Variants in HSPG2 observed in about 807,000 individuals in gnomAD.
HSPG2 encodes basement membrane-specific heparan sulfate proteoglycan core protein.
HSPG2 carries 278 observed loss-of-function variants against 526.6 expected under a neutral mutation model. The observed-to-expected ratio is 0.53, with a 90% CI of 0.48 to 0.58. HSPG2 has a LOEUF of 0.58. HSPG2 is among the 20% of genes least tolerant of loss of function. The probability of loss-of-function intolerance (pLI) is 0.00; values close to 1 mark genes in which losing one functional copy is unlikely to be tolerated. For missense variants in HSPG2, 5,354 were observed against 6,099.5 expected (o/e 0.88, Z 4.07); for synonymous variants, 2,465 against 2,555.4 (o/e 0.96, Z 1.07).
Position 21,851,790 on chromosome 1 carries a change from C to G in HSPG2, c.7006+1G>C. The G allele has an allele frequency of 1.2e-6, 2 of 1,613,948 alleles. No homozygotes were observed. The highest frequency in any genetic ancestry group is 1.7e-6 in the Non-Finnish European group (2 of 1,180,026). On this transcript the variant is annotated splice_donor_variant, in intron 54 of 96. Transcript: ENST00000374695. LOFTEE classifies it high-confidence loss of function. Reference sequence around the variant, plus strand: ...CAGCCCAGCCTGGTGGCCCCACTCACGGTAGGCTAAGTTGGCCCCCTGGGT... The same window carrying G: ...CAGCCCAGCCTGGTGGCCCCACTCAGGGTAGGCTAAGTTGGCCCCCTGGGT...
chr1:21,839,916 G>A lies in HSPG2; in HGVS notation c.9615C>T (p.Gly3205=), dbSNP rs759301558. The A allele has an allele frequency of 1.8e-5, 29 of 1,614,028 alleles. 1 individual carries two copies. Among genetic ancestry groups the A allele is most frequent in the South Asian group, 1.2e-4 (11 of 91,084 alleles). Reference sequence around the variant, plus strand: ...CCTGAGGGGCCCCTGGGGCCATGGCGCCCGTGTCCACGATCACCTCCACCT... The same window carrying A: ...CCTGAGGGGCCCCTGGGGCCATGGCACCCGTGTCCACGATCACCTCCACCT... ...QKQVEVIVDT[G]AMAPGAPQVQ... The change falls in exon 72 of 97, where the codon GGC becomes GGT. Residue 3205 remains glycine (G), a synonymous_variant. Coordinates refer to ENST00000374695, the MANE Select transcript of HSPG2 (RefSeq NM_005529.7). The surrounding 1 kb of genome is among the most constrained non-coding windows in gnomAD (Gnocchi z 4.5).
At chr1:21,891,865 C>T (rs1055778392) in intron 3 of HSPG2, among the ~76,000 whole-genome samples, 2 of 152,164 alleles carry the variant, frequency 1.3e-5, no homozygotes, top group Admixed American at 1.3e-4. Flanking sequence ...CTCACTTTGG[C>T]CTCCCAAAGT....
chr1:21,833,161 T>C, intron 80 of HSPG2, 107 bp downstream of exon 80: 1 of 923,754 alleles, frequency 1.1e-6, no homozygotes, highest in South Asian at 1.3e-5. Flanking sequence ...GGCTGAGGGA[T>C]TGGGGCAGGA....
rs566182386 is a variant in HSPG2, at chr1:21,893,509, A to T, written c.244+2413T>A. Among the ~76,000 whole-genome samples the T allele has an allele frequency of 1.3e-5, 2 of 152,240 alleles. No individual in the cohort carries two copies. Among genetic ancestry groups the T allele is most frequent in the Non-Finnish European group, 2.9e-5 (2 of 68,004 alleles). ...AGAGAACAGGGAGAAAGGAGAGAAA[A>T]GGAAGAGTGGGGAGAGAGGATGGGG... On this transcript the variant is annotated intron_variant, in intron 3 of 96. Transcript: ENST00000374695. The surrounding 1 kb of genome is among the most constrained non-coding windows in gnomAD (Gnocchi z 4.3).
chr1:21,840,938 A>G (rs1352454739), intron 71 of HSPG2, among the ~76,000 whole-genome samples, 163 bp downstream of exon 71: 1 of 151,226 alleles, frequency 6.6e-6, no homozygotes, highest in Admixed American at 6.6e-5. Context: ...CTTCCCTCTC[A>G]TCTTCCAGTC....
At chr1:21,843,480 C>A (rs754774120) in intron 65 of HSPG2, 42 bp from the exon 66 acceptor site, 4 of 1,585,210 alleles carry the variant, frequency 2.5e-6, no homozygotes, top group East Asian at 4.6e-5. Flanking sequence ...GAGCTGGGAG[C>A]CTTCAGATGC....
intron 38 of HSPG2, 55 bp from the exon 39 acceptor site, chr1:21,861,898 C>T: frequency 6.2e-7 from 1 of 1,613,438 alleles, no homozygotes; most frequent in Non-Finnish European, 8.5e-7. Context: ...CCATCTTGCT[C>T]CCTTCACTTC....
At chr1:21,878,064 C>A in intron 21 of HSPG2, 122 bp downstream of exon 21, 1 of 903,622 alleles carries the variant, frequency 1.1e-6, no homozygotes, top group Non-Finnish European at 1.7e-6. Context: ...GTCCACCAGC[C>A]TCTGACTGGG....
Position 21,854,695 on chromosome 1 carries a change from G to A in HSPG2, c.6204C>T (p.Leu2068=), listed in dbSNP as rs371557201. 5 of 1,611,848 alleles carry A rather than the reference G, an allele frequency of 3.1e-6. No individual in the cohort carries two copies. Among genetic ancestry groups the A allele is most frequent in the South Asian group, 1.1e-5 (1 of 90,396 alleles). ...SSPSVTEGQT[L]DLNCVVAGSA... ...ACCCTGCCACCACACAGTTGAGGTC[G>A]AGTGTTTGCCCTTCTGTCACAGAAG... Residue 2068 remains leucine, a synonymous_variant, in exon 49 of 97, where the codon CTC becomes CTT. Transcript: ENST00000374695.
chr1:21,862,583 C>CAAAAAAAA (rs1164705115), intron 37 of HSPG2, among the ~76,000 whole-genome samples: 4 of 9,152 alleles, frequency 4.4e-4, no homozygotes, highest in East Asian at 2.7e-3. Context: ...GACTCCATCT[C>CAAAAAAAA]AAAAAAAAAA....
chr1:21,889,079 C>A (rs1025317484), intron 6 of HSPG2, among the ~76,000 whole-genome samples: 1 of 152,144 alleles, frequency 6.6e-6, no homozygotes, highest in East Asian at 1.9e-4. Flanking sequence ...GCGCGCACCA[C>A]CACGCTTGGC....
In HSPG2 at chr1:21,847,958, C is replaced by A; in HGVS notation, c.7873G>T (p.Val2625Leu). 6.2e-7 allele frequency: 1 copy of A among 1,613,838 alleles called. No individual in the cohort carries two copies. The highest frequency in any genetic ancestry group is 8.5e-7 in the Non-Finnish European group (1 of 1,180,016). The change falls in exon 60 of 97, where the codon GTG (valine) becomes TTG (leucine). Residue 2625 changes from valine (V) to leucine (L), a missense_variant and splice_region_variant. Physicochemically the swap from Val to Leu is conservative, Grantham distance 32 (BLOSUM62 1). Coordinates refer to ENST00000374695, the MANE Select transcript of HSPG2 (RefSeq NM_005529.7). This position sits in a 1 kb window ranked among gnomAD's most constrained non-coding sequence, Gnocchi z 4.1. ...VTIQGSGSSH[V>L]PSVSPPIRIE... is the part of the protein sequence containing the mutation. ...TACCCCCTGCCCTCTCTGCTCTCAC[C>A]GTGGGAGGAACCGCTGCCCTGGATG...
Position 21,833,335 on chromosome 1 carries a change from C to T in HSPG2, c.11028G>A (p.Leu3676=), listed in dbSNP as rs1266045368. ...FTQTPYSFLP[L]PTIKDAYRKF... Reference sequence around the variant, plus strand: ...TCCTGTAGGCATCCTTGATGGTGGGCAGCGGTAGGAAGGAGTAGGGGGTCT... The same window carrying T: ...TCCTGTAGGCATCCTTGATGGTGGGTAGCGGTAGGAAGGAGTAGGGGGTCT... Residue 3676 remains leucine (L), a synonymous_variant, in exon 80 of 97, where the codon CTG becomes CTA. Transcript: ENST00000374695. The T allele has an allele frequency of 6.2e-7, 1 of 1,614,094 alleles. No individual in the cohort carries two copies. Among genetic ancestry groups the T allele is most frequent in the Non-Finnish European group, 8.5e-7 (1 of 1,179,998 alleles).
At position 21,880,782 on chromosome 1, in the gene HSPG2, A is replaced by C. The variant is rs1641437859; in HGVS notation, c.1872T>G (p.Arg624=). Reference sequence around the variant, plus strand: ...GCCGCTGCACTGGCTCCAGCATGCCACGGGCCAACTCGTAGCGCACGTTGT... The same window carrying C: ...GCCGCTGCACTGGCTCCAGCATGCCCCGGGCCAACTCGTAGCGCACGTTGT... The part of the protein sequence containing the change: ...LRYNVRYELA[R]GMLEPVQRPD... Residue 624 remains arginine, a synonymous_variant, in exon 15 of 97, where the codon CGT becomes CGG. Transcript: ENST00000374695. 6.3e-7 allele frequency: 1 copy of C among 1,599,298 alleles called. No individual in the cohort carries two copies. The highest frequency in any genetic ancestry group is 1.3e-5 in the African/African-American group (1 of 74,802).
At chr1:21,903,515 C>A (rs1029401948) in intron 1 of HSPG2, among the ~76,000 whole-genome samples, 1 of 152,120 alleles carries the variant, frequency 6.6e-6, no homozygotes, top group Non-Finnish European at 1.5e-5. Flanking sequence ...GCAGGAGAAT[C>A]GTTTAACCCA....
intron 65 of HSPG2, 141 bp downstream of exon 65, chr1:21,844,007 C>G: frequency 8.6e-7 from 1 of 1,168,448 alleles, no homozygotes; most frequent in East Asian, 2.4e-5. Context: ...CCAGCCCGCT[C>G]TCAACTTCCT....
At position 21,838,873 on chromosome 1, in the gene HSPG2, T is replaced by A; in HGVS notation, c.10102A>T (p.Thr3368Ser). 1 of 1,612,770 alleles carries A rather than the reference T, an allele frequency of 6.2e-7. No individual in the cohort carries two copies. The highest frequency in any genetic ancestry group is 1.7e-4 in the Middle Eastern group (1 of 6,028). ...EDSGRYRCRV[T>S]NKVGSAEAFA... is the part of the protein sequence containing the mutation. ...GCCTCGGCTGAGCCCACCTTGTTGGTGACCCGGCAGCGGTAGCGGCCTGAG... is the reference window on the plus strand; with the variant it reads ...GCCTCGGCTGAGCCCACCTTGTTGGAGACCCGGCAGCGGTAGCGGCCTGAG... The change falls in exon 74 of 97, where the codon ACC (threonine) becomes TCC (serine). Residue 3368 changes from threonine to serine, a missense_variant. Physicochemically the swap from Thr to Ser is moderately conservative, Grantham distance 58 (BLOSUM62 1). Coordinates refer to ENST00000374695, the MANE Select transcript of HSPG2 (RefSeq NM_005529.7).
intron 33 of HSPG2, chr1:21,869,343 A>G: frequency 1.8e-6 from 1 of 562,866 alleles, no homozygotes; most frequent in Non-Finnish European, 2.3e-6. Flanking sequence ...TTGATTTAAG[A>G]GAAAATTGGA....
At position 21,839,269 on chromosome 1, in the gene HSPG2, G is replaced by A; in HGVS notation, c.9889+102C>T. 2 of 1,479,794 alleles carry A rather than the reference G, an allele frequency of 1.4e-6. No individual in the cohort carries two copies. The highest frequency in any genetic ancestry group is 2.3e-5 in the East Asian group (1 of 44,302). The allele number at this position is 1,479,794 out of a possible 1,614,324, so 91.7% of individuals were successfully genotyped here. On this transcript the variant is annotated intron_variant, in intron 73 of 96. Transcript: ENST00000374695. The surrounding 1 kb of genome is among the most constrained non-coding windows in gnomAD (Gnocchi z 4.5). ...CAGGCTCCAGGACCCTGCAGCGCCT[G>A]GAGACCTCTGGATGGGGTTCCTGGG...
Sources: gnomAD v4.1 joint callset for allele counts (sites outside exome capture counted in the v4.1 genomes callset) on GRCh38, gnomAD v4.1.1 for gene constraint, Gnocchi (gnomAD v3.1) non-coding constraint, MANE v1.5 for transcripts, NCBI Gene and HGNC (gene_info 2026-07-23, HGNC 2026-07-21) for gene names.